The following IMMP2L variants were observed in gnomAD, a reference collection of about 807,000 sequenced individuals.
IMMP2L encodes mitochondrial inner membrane protease subunit 2.
A neutral mutation model predicts 19.3 loss-of-function variants in IMMP2L; 18 were observed. The ratio of observed to expected loss-of-function variants is 0.93; its 90% confidence interval spans 0.64 to 1.38. The LOEUF (loss-of-function observed/expected upper bound fraction) is 1.38, where lower values mean the gene tolerates loss of function less well. Ranked by LOEUF, IMMP2L falls within the 40% of genes most tolerant of loss-of-function variation. The probability of loss-of-function intolerance (pLI) is 0.00; values close to 1 mark genes in which losing one functional copy is unlikely to be tolerated. For synonymous variants in IMMP2L, 76 were observed against 73.0 expected (o/e 1.04, Z -0.21); for missense variants, 233 against 218.2 (o/e 1.07, Z -0.43).
chr7:110,894,434 G>T (rs1357828003), intron 4 of IMMP2L, among the ~76,000 whole-genome samples: 1 of 151,992 alleles, frequency 6.6e-6, no homozygotes, highest in African/African-American at 2.4e-5. Flanking sequence ...CCATTTTAGG[G>T]GCATATAATG....
chr7:110,679,070 T>C (rs984363363), intron 5 of IMMP2L, among the ~76,000 whole-genome samples: 15 of 152,162 alleles, frequency 9.9e-5, no homozygotes, highest in African/African-American at 3.6e-4. Flanking sequence ...CTCTTCATGC[T>C]TCTCTCTAGA....
At chr7:110,865,822 G>A (rs1437611346) in intron 5 of IMMP2L, among the ~76,000 whole-genome samples, 1 of 151,672 alleles carries the variant, frequency 6.6e-6, no homozygotes, top group African/African-American at 2.4e-5. Context: ...AATTATGTAA[G>A]AACCCTACCT....
chr7:110,747,408 C>T (rs909469274), intron 5 of IMMP2L, among the ~76,000 whole-genome samples: 5 of 152,170 alleles, frequency 3.3e-5, no homozygotes, highest in Non-Finnish European at 4.4e-5. Context: ...ATGAGGCAAG[C>T]ACCATCCTGA....
Position 110,924,502 on chromosome 7 carries a change from C to T in IMMP2L, c.306-37807G>A, listed in dbSNP as rs569609752. Reference sequence around the variant, plus strand: ...CCAGGTTTATCCTACGTTTCTCTCACTATGGGGAACTGGGCAGGCCGGTTT... The same window carrying T: ...CCAGGTTTATCCTACGTTTCTCTCATTATGGGGAACTGGGCAGGCCGGTTT... On this transcript the variant is annotated intron_variant, in intron 4 of 5. Transcript: ENST00000405709. This position sits in a 1 kb window ranked among gnomAD's most constrained non-coding sequence, Gnocchi z 4.2. Among the ~76,000 whole-genome samples the T allele has an allele frequency of 7.9e-5, 12 of 152,192 alleles. No individual in the cohort carries two copies. The East Asian group carries it at 2.3e-3, about 29-fold the overall frequency.
intron 3 of IMMP2L, among the ~76,000 whole-genome samples, chr7:111,473,633 T>C (rs1585249750): frequency 6.6e-6 from 1 of 152,150 alleles, no homozygotes; most frequent in Non-Finnish European, 1.5e-5. Context: ...ATGTTAAGAA[T>C]AACTGACAGT....
chr7:110,703,647 A>G (rs551422572), intron 5 of IMMP2L, among the ~76,000 whole-genome samples: 2 of 152,330 alleles, frequency 1.3e-5, no homozygotes, highest in East Asian at 1.9e-4. Flanking sequence ...AATGGGGAAC[A>G]AAGAAATTCA....
intron 5 of IMMP2L, among the ~76,000 whole-genome samples, chr7:110,689,161 C>T (rs1014303577): frequency 2.0e-5 from 3 of 152,138 alleles, no homozygotes; most frequent in Non-Finnish European, 4.4e-5. Flanking sequence ...GCCTCCAAGG[C>T]AACACTGATG....
intron 3 of IMMP2L, among the ~76,000 whole-genome samples, chr7:111,056,065 A>C (rs566919366): frequency 1.3e-5 from 2 of 152,346 alleles, no homozygotes; most frequent in African/African-American, 4.8e-5. Context: ...TTCATCTCTA[A>C]TTCTATATTT....
At position 110,887,407 on chromosome 7, in the gene IMMP2L, A is replaced by G. The variant is rs143046067; in HGVS notation, c.306-712T>C. 8.5e-4 allele frequency among the ~76,000 whole-genome samples: 130 copies of G among 152,232 alleles called. 5 individuals carry two copies. Among genetic ancestry groups the G allele is most frequent in the Admixed American group, 7.1e-3 (109 of 15,272 alleles). On this transcript the variant is annotated intron_variant, in intron 4 of 5. Transcript: ENST00000405709. The stretch of plus-strand genomic sequence containing the variant: ...TCACGCAGTTTTTGTAGCAATGTAT[A>G]ATGGTATAATGTTTTTCCCTATACT...
chr7:111,297,827 G>A (rs1391750572), intron 3 of IMMP2L, among the ~76,000 whole-genome samples: 1 of 152,030 alleles, frequency 6.6e-6, no homozygotes, highest in African/African-American at 2.4e-5. Context: ...TACTGTATAA[G>A]TCCATTTATA....
chr7:111,508,086 G>T (rs1200787967), intron 2 of IMMP2L, among the ~76,000 whole-genome samples: 1 of 152,056 alleles, frequency 6.6e-6, no homozygotes, highest in Non-Finnish European at 1.5e-5. Flanking sequence ...CATACTAAAT[G>T]AATGGGCCAT....
At chr7:110,711,889 G>T (rs1794898010) in intron 5 of IMMP2L, among the ~76,000 whole-genome samples, 1 of 24,682 alleles carries the variant, frequency 4.1e-5, no homozygotes, top group South Asian at 1.4e-3. Flanking sequence ...CTCTGTATTG[G>T]TTATCCTAGT....
At chr7:111,420,314 G>A (rs1835366398) in intron 3 of IMMP2L, among the ~76,000 whole-genome samples, 1 of 151,744 alleles carries the variant, frequency 6.6e-6, no homozygotes, top group African/African-American at 2.4e-5. Context: ...CACAAATTGA[G>A]AGATCACAAA....
intron 5 of IMMP2L, among the ~76,000 whole-genome samples, chr7:110,862,883 C>G (rs1256638031): frequency 6.6e-6 from 1 of 151,940 alleles, no homozygotes; most frequent in Non-Finnish European, 1.5e-5. Context: ...ACGTCTCTCC[C>G]TAAAAAGCAG....
At chr7:111,418,188 C>T (rs914608774) in intron 3 of IMMP2L, among the ~76,000 whole-genome samples, 6 of 151,652 alleles carry the variant, frequency 4.0e-5, no homozygotes. Context: ...GTTGTGATTT[C>T]TTTTCTCATT....
intron 3 of IMMP2L, among the ~76,000 whole-genome samples, chr7:111,101,415 A>G (rs1486938496): frequency 1.3e-5 from 2 of 151,470 alleles, no homozygotes; most frequent in Non-Finnish European, 3.0e-5. Context: ...TTAATGTATG[A>G]TCTCAGAATC....
At chr7:110,966,796 G>C (rs527293664) in intron 3 of IMMP2L, among the ~76,000 whole-genome samples, 110 of 151,882 alleles carry the variant, frequency 7.2e-4, no homozygotes, top group Non-Finnish European at 1.3e-3. Context: ...GCATTACTTT[G>C]ATCTCAGCAG....
Position 111,122,873 on chromosome 7 carries a change from C to A in IMMP2L, c.240-159308G>T, listed in dbSNP as rs761418614. On this transcript the variant is annotated intron_variant, in intron 3 of 5. Transcript: ENST00000405709. ...AAAGTGGATTGTCCACGGTTATGTA[C>A]GTGTGAAATCAGGCCTTGGTTTACA... 3.1e-6 allele frequency: 5 copies of A among 1,613,774 alleles called. No individual in the cohort carries two copies. The highest frequency in any genetic ancestry group is 4.2e-6 in the Non-Finnish European group (5 of 1,179,856).
chr7:111,406,479 A>G (rs1240264606), intron 3 of IMMP2L, among the ~76,000 whole-genome samples: 1 of 152,034 alleles, frequency 6.6e-6, no homozygotes, highest in Non-Finnish European at 1.5e-5. Context: ...GAATTCCATT[A>G]CTGAAAACAC....
Sources: allele counts gnomAD v4.1 joint callset (sites outside exome capture counted in the v4.1 genomes callset), GRCh38; gene constraint gnomAD v4.1.1; non-coding constraint Gnocchi (gnomAD v3.1); transcripts MANE v1.5; gene names NCBI Gene and HGNC (gene_info 2026-07-23, HGNC 2026-07-21).